RHBDD1: variants seen among roughly 807,000 people sequenced by gnomAD.
The protein encoded by RHBDD1 is rhomboid-related protein 4.
RHBDD1 carries 38 observed loss-of-function variants against 36.3 expected under a neutral mutation model. That is an observed-to-expected ratio of 1.05 (90% confidence interval 0.81 to 1.37). RHBDD1 has a LOEUF of 1.37. RHBDD1 is among the 40% of genes most tolerant of loss of function. The pLI, the probability that RHBDD1 is intolerant of heterozygous loss-of-function variation, is 0.00. For missense variants in RHBDD1, 393 were observed against 377.6 expected, an observed-to-expected ratio of 1.04 and a Z score of -0.34; for synonymous variants, 151 against 136.5, an observed-to-expected ratio of 1.11 and a Z score of -0.74.
At chr2:226,863,603 A>T (rs1384953549) in intron 3 of RHBDD1, among the ~76,000 whole-genome samples, 1 of 152,160 alleles carries the variant, frequency 6.6e-6, no homozygotes, top group Non-Finnish European at 1.5e-5. Flanking sequence ...GTAGTAGCTG[A>T]CCAGTGGCAA....
the RHBDD1 span, among the ~76,000 whole-genome samples, chr2:226,812,253 G>C: frequency 2.4e-4 from 36 of 152,310 alleles, no homozygotes; most frequent in African/African-American, 8.7e-4. Flanking sequence ...AAAATGGAAT[G>C]GTTTCTAAAA....
In RHBDD1 at chr2:226,867,222, A is replaced by T. The variant is rs1944415809; in HGVS notation, c.470A>T (p.Tyr157Phe). ...LFALKVLNNH[Y>F]CPGGFVNILG... ...GCTTTGAAAGTTCTTAACAACCATT[A>T]TTGCCCTGGAGGCTTTGTCAACATT... is the stretch of plus-strand genomic sequence containing the variant. The change falls in exon 5 of 9, where the codon TAT (tyrosine) becomes TTT (phenylalanine). Residue 157 changes from tyrosine to phenylalanine, a missense_variant. Transcript: ENST00000392062. The T allele has an allele frequency of 2.5e-6, 4 of 1,612,756 alleles. No individual in the cohort carries two copies. Among genetic ancestry groups the T allele is most frequent in the Non-Finnish European group, 3.4e-6 (4 of 1,179,458 alleles).
In RHBDD1 at chr2:226,849,450, A is replaced by G. The variant is rs1193278180; in HGVS notation, c.-91+9823A>G. Among the ~76,000 whole-genome samples the G allele has an allele frequency of 2.6e-5, 4 of 152,188 alleles. No homozygotes were observed. In the East Asian group the frequency reaches 7.7e-4, roughly 29 times the overall value. ...TGGGAGCTGGCTTTGAGGATTGGGAAGGAATTGAATGGGTTGGTGGAGGCA... is the reference window on the plus strand; with the variant it reads ...TGGGAGCTGGCTTTGAGGATTGGGAGGGAATTGAATGGGTTGGTGGAGGCA... On this transcript the variant is annotated intron_variant, in intron 3 of 8. Coordinates refer to ENST00000392062, the MANE Select transcript of RHBDD1 (RefSeq NM_001167608.3).
At chr2:226,966,189 T>C (rs1331859128) in intron 8 of RHBDD1, among the ~76,000 whole-genome samples, 1 of 152,128 alleles carries the variant, frequency 6.6e-6, no homozygotes, top group Non-Finnish European at 1.5e-5. Context: ...AATAAATAGA[T>C]CCTTGATGCT....
the RHBDD1 span, among the ~76,000 whole-genome samples, chr2:226,802,777 C>T: frequency 1.3e-5 from 2 of 152,176 alleles, no homozygotes; most frequent in Non-Finnish European, 2.9e-5. Flanking sequence ...GTGATTTCAT[C>T]ACAACATTGC....
chr2:226,833,932 T>C (rs1940805656), upstream of RHBDD1, among the ~76,000 whole-genome samples: 1 of 152,224 alleles, frequency 6.6e-6, no homozygotes, highest in Non-Finnish European at 1.5e-5. Flanking sequence ...ACAAATCACG[T>C]AGGACAAAAG....
intron 5 of RHBDD1, among the ~76,000 whole-genome samples, chr2:226,879,801 A>G (rs1428122737): frequency 6.6e-6 from 1 of 152,218 alleles, no homozygotes; most frequent in Non-Finnish European, 1.5e-5. Flanking sequence ...TCATTCTTAG[A>G]AGAGAAACCT....
the RHBDD1 span, among the ~76,000 whole-genome samples, chr2:226,801,724 G>T: frequency 6.6e-6 from 1 of 152,202 alleles, no homozygotes; most frequent in Non-Finnish European, 1.5e-5. Context: ...CCGAAATTCT[G>T]GGGGTATAGA....
At chr2:226,809,258 G>C in the RHBDD1 span, among the ~76,000 whole-genome samples, 1 of 152,172 alleles carries the variant, frequency 6.6e-6, no homozygotes, top group Non-Finnish European at 1.5e-5. Flanking sequence ...AAAAGAGAGT[G>C]AACAACTGAG....
At chr2:226,929,539 A>G (rs1185319061) in intron 8 of RHBDD1, among the ~76,000 whole-genome samples, 3 of 152,152 alleles carry the variant, frequency 2.0e-5, no homozygotes, top group Admixed American at 6.6e-5. Context: ...CTTACAGCCA[A>G]TATCATACTG....
intron 5 of RHBDD1, among the ~76,000 whole-genome samples, chr2:226,875,242 T>C (rs1038045187): frequency 2.0e-4 from 31 of 152,182 alleles, no homozygotes; most frequent in Admixed American, 2.0e-4. Context: ...ATGGTTGCTG[T>C]TTGGCTTGAA....
intron 8 of RHBDD1, among the ~76,000 whole-genome samples, chr2:226,958,048 G>C (rs1951898233): frequency 6.6e-6 from 1 of 152,116 alleles, no homozygotes; most frequent in Non-Finnish European, 1.5e-5. Context: ...ATTTTTAAGA[G>C]AAATGAAAAC....
chr2:226,816,613 A>C, the RHBDD1 span, among the ~76,000 whole-genome samples: 1 of 152,194 alleles, frequency 6.6e-6, no homozygotes, highest in African/African-American at 2.4e-5. Context: ...ACATAGGTCT[A>C]GGCCAGGCAC....
At chr2:226,929,232 G>C (rs528325142) in intron 8 of RHBDD1, among the ~76,000 whole-genome samples, 1 of 151,816 alleles carries the variant, frequency 6.6e-6, no homozygotes, top group Non-Finnish European at 1.5e-5. Flanking sequence ...TCTGATGAAC[G>C]TAGATGCAAA....
intron 5 of RHBDD1, among the ~76,000 whole-genome samples, chr2:226,875,416 A>G (rs1574909399): frequency 6.6e-6 from 1 of 152,342 alleles, no homozygotes; most frequent in East Asian, 1.9e-4. Context: ...GTAAAAGAGA[A>G]TGTTTATTCC....
the RHBDD1 span, among the ~76,000 whole-genome samples, chr2:226,830,379 C>T: frequency 6.6e-6 from 1 of 152,228 alleles, no homozygotes; most frequent in African/African-American, 2.4e-5. Context: ...AGAACTGAGA[C>T]ATAAATTTCT....
intron 8 of RHBDD1, among the ~76,000 whole-genome samples, chr2:226,968,606 G>T (rs1474206998): frequency 6.6e-6 from 1 of 152,166 alleles, no homozygotes; most frequent in African/African-American, 2.4e-5. Flanking sequence ...TAGCCCACTT[G>T]ACACACAAAA....
chr2:226,948,144 A>G (rs1028748709), intron 8 of RHBDD1, among the ~76,000 whole-genome samples: 2 of 150,476 alleles, frequency 1.3e-5, no homozygotes, highest in Non-Finnish European at 2.9e-5. Context: ...ATTATTCTCA[A>G]TAGCAAAGAC....
the RHBDD1 span, among the ~76,000 whole-genome samples, chr2:226,826,803 A>G: frequency 1.3e-5 from 2 of 152,078 alleles, no homozygotes; most frequent in African/African-American, 4.8e-5. Context: ...TACAGGCATG[A>G]GCCACCACAC....
Sources: allele counts gnomAD v4.1 joint callset (sites outside exome capture counted in the v4.1 genomes callset), GRCh38; gene constraint gnomAD v4.1.1; transcripts MANE v1.5; gene names NCBI Gene and HGNC (gene_info 2026-07-23, HGNC 2026-07-21).